Variants in C5 observed in about 807,000 individuals in gnomAD.
The protein encoded by C5 is complement C5, also known as C3 and PZP-like alpha-2-macroglobulin domain-containing protein 4.
Under a neutral mutation model 218.8 loss-of-function variants are expected in C5, and 140 were observed. That is an observed-to-expected ratio of 0.64 (90% CI 0.56 to 0.74). C5 has a LOEUF of 0.74. C5 is among the 30% of genes least tolerant of loss of function. The pLI is 0.00. For missense variants in C5, 1,700 were observed against 1,969.6 expected (o/e 0.86, Z 2.59); for synonymous variants, 614 against 682.3 (o/e 0.90, Z 1.56).
chr9:121,038,585 T>G (rs1266886437), intron 3 of C5, among the ~76,000 whole-genome samples: 1 of 152,170 alleles, frequency 6.6e-6, no homozygotes, highest in Non-Finnish European at 1.5e-5. Flanking sequence ...AGTTAATAGA[T>G]CCCTACTTTT....
intron 33 of C5, 64 bp from the exon 34 acceptor site, chr9:120,963,802 A>C (rs1588166564): frequency 8.0e-7 from 1 of 1,252,210 alleles, no homozygotes; most frequent in Non-Finnish European, 1.2e-6. Flanking sequence ...AAGAAAGGAC[A>C]CTCTTCCTTA....
chr9:121,023,319 C>T, intron 10 of C5, 85 bp downstream of exon 10: 1 of 880,782 alleles, frequency 1.1e-6, no homozygotes, highest in Non-Finnish European at 1.9e-6. Context: ...TGGCAACATT[C>T]TTACCCTGTT....
intron 34 of C5, among the ~76,000 whole-genome samples, chr9:120,963,253 C>T (rs2046840994): frequency 6.6e-6 from 1 of 152,158 alleles, no homozygotes; most frequent in Non-Finnish European, 1.5e-5. Context: ...CCTGTAATCC[C>T]AGCAGTTTGG....
At chr9:120,955,007 G>A (rs1209889765) in intron 39 of C5, among the ~76,000 whole-genome samples, 2 of 152,146 alleles carry the variant, frequency 1.3e-5, no homozygotes, top group African/African-American at 4.8e-5. Flanking sequence ...ATTCAGAAGA[G>A]AGAACAGGCA....
chr9:120,986,686 T>A (rs886455027), intron 25 of C5, among the ~76,000 whole-genome samples: 1 of 152,210 alleles, frequency 6.6e-6, no homozygotes, highest in African/African-American at 2.4e-5. Context: ...CCAGTCTTCA[T>A]TGACACTCAC....
At chr9:121,025,342 C>T in intron 9 of C5, 112 bp downstream of exon 9, 4 of 1,173,372 alleles carry the variant, frequency 3.4e-6, no homozygotes, top group Non-Finnish European at 4.5e-6. Context: ...AAAGAAAATA[C>T]AATGTGAAAT....
At chr9:121,074,301 T>C in the C5 span, among the ~76,000 whole-genome samples, 1 of 152,202 alleles carries the variant, frequency 6.6e-6, no homozygotes, top group Admixed American at 6.5e-5. Context: ...TGAATGCATG[T>C]CGTGAACGCC....
At chr9:121,070,489 G>C in the C5 span, among the ~76,000 whole-genome samples, 4 of 148,734 alleles carry the variant, frequency 2.7e-5, no homozygotes, top group Non-Finnish European at 4.4e-5. Flanking sequence ...ATATGTGTGT[G>C]TGTGCGTATT....
intron 33 of C5, among the ~76,000 whole-genome samples, chr9:120,965,892 T>A (rs2046863845): frequency 6.6e-6 from 1 of 152,180 alleles, no homozygotes; most frequent in Non-Finnish European, 1.5e-5. Flanking sequence ...GAAATCCTCC[T>A]TTCAAGAAGC....
intron 26 of C5, 115 bp from the exon 27 acceptor site, chr9:120,982,054 C>G (rs904719451): frequency 1.3e-6 from 1 of 748,478 alleles, no homozygotes; most frequent in East Asian, 2.8e-5. Context: ...CTCTGTCACC[C>G]AAGCTGGAGT....
chr9:120,983,598 C>A (rs2047011558), intron 25 of C5, among the ~76,000 whole-genome samples: 1 of 151,974 alleles, frequency 6.6e-6, no homozygotes, highest in Non-Finnish European at 1.5e-5. Flanking sequence ...TCACATGATT[C>A]AAAAATCCAA....
chr9:120,971,716 C>A (rs144089168), intron 31 of C5, among the ~76,000 whole-genome samples: 2 of 152,186 alleles, frequency 1.3e-5, no homozygotes, highest in African/African-American at 4.8e-5. Flanking sequence ...GGATTAAAGG[C>A]GTGAGCCACC....
chr9:120,968,002 A>G (rs1365704248), intron 33 of C5, among the ~76,000 whole-genome samples: 1 of 152,100 alleles, frequency 6.6e-6, no homozygotes, highest in Non-Finnish European at 1.5e-5. Context: ...GGATTACAGT[A>G]TGAGCCACTG....
Position 121,017,550 on chromosome 9 carries a change from G to T in C5, c.1717-39C>A, listed in dbSNP as rs200531913. The T allele has an allele frequency of 8.4e-4, 1,352 of 1,609,670 alleles. 12 individuals are homozygous for T. The African/African-American group carries it at 0.015, about 18-fold the overall frequency. On this transcript the variant is annotated intron_variant, in intron 13 of 40. Transcript: ENST00000223642. ...TGAAAAAGAAAAGAAAAGATCATTTGTATGAGACAAGACTTTTCAGAAGCA... is the reference window on the plus strand; with the variant it reads ...TGAAAAAGAAAAGAAAAGATCATTTTTATGAGACAAGACTTTTCAGAAGCA...
At chr9:121,015,385 G>A (rs2047298847) in intron 15 of C5, 124 bp from the exon 16 acceptor site, 1 of 664,258 alleles carries the variant, frequency 1.5e-6, no homozygotes, top group Admixed American at 2.4e-5. Flanking sequence ...AAATATTGAG[G>A]GGCTGCTTTG....
intron 7 of C5, among the ~76,000 whole-genome samples, chr9:121,027,777 G>A (rs561783306): frequency 2.6e-5 from 4 of 152,286 alleles, no homozygotes; most frequent in Admixed American, 2.6e-4. Flanking sequence ...TCAGGACATA[G>A]GCATGGGCAA....
At chr9:121,046,151 C>T (rs1213089116) in intron 2 of C5, 40 bp downstream of exon 2, 2 of 1,017,286 alleles carry the variant, frequency 2.0e-6, no homozygotes, top group East Asian at 2.7e-5. Context: ...TGAGAATATT[C>T]TGTATATATA....
At chr9:121,054,543 T>A (rs1295679481), upstream of C5, among the ~76,000 whole-genome samples, 1 of 152,178 alleles carries the variant, frequency 6.6e-6, no homozygotes, top group Non-Finnish European at 1.5e-5. Context: ...GAGGTTGCAG[T>A]GAGCCAAGAT....
chr9:121,008,483 A>G lies in C5; in HGVS notation c.2273T>C (p.Leu758Ser), dbSNP rs1166595964. 1 of 1,613,152 alleles carries G rather than the reference A, an allele frequency of 6.2e-7. No homozygotes were observed. Among genetic ancestry groups the G allele is most frequent in the South Asian group, 1.1e-5 (1 of 91,074 alleles). Residue 758 changes from leucine (L) to serine (S), a missense_variant, in exon 18 of 41, where the codon TTA becomes TCA. Leu to Ser is a moderately radical substitution (Grantham distance 145). Transcript: ENST00000223642. Reference sequence around the variant, plus strand: ...CCGAATTTCTGGCTTGCTTACTGGTAACAGGGTCTTCATGTCTGGACAAAA... The same window carrying G: ...CCGAATTTCTGGCTTGCTTACTGGTGACAGGGTCTTCATGTCTGGACAAAA... ...QLGRLHMKTL[L>S]PVSKPEIRSY...
Sources: allele counts gnomAD v4.1 joint callset (sites outside exome capture counted in the v4.1 genomes callset), GRCh38; gene constraint gnomAD v4.1.1; transcripts MANE v1.5; gene names NCBI Gene and HGNC (gene_info 2026-07-23, HGNC 2026-07-21).